The following AOAH variants were observed in gnomAD, a reference collection of about 807,000 sequenced individuals.
AOAH encodes acyloxyacyl hydrolase (neutrophil).
AOAH carries 64 observed loss-of-function variants against 92.2 expected under a neutral mutation model. The observed-to-expected ratio is 0.69, with a 90% CI of 0.57 to 0.86. AOAH has a LOEUF of 0.86. AOAH is among the 40% of genes least tolerant of loss of function. The pLI is 0.00. For synonymous variants in AOAH, 263 were observed against 254.5 expected, an observed-to-expected ratio of 1.03 and a Z score of -0.32; for missense variants, 656 against 694.6, an observed-to-expected ratio of 0.94 and a Z score of 0.62.
chr7:36,630,277 T>C (rs979846647), intron 6 of AOAH, among the ~76,000 whole-genome samples: 1 of 152,258 alleles, frequency 6.6e-6, no homozygotes, highest in Non-Finnish European at 1.5e-5. Flanking sequence ...TAGGAAGCTA[T>C]AGCTTCTCAG....
At chr7:36,559,006 C>T (rs1014157527) in intron 13 of AOAH, among the ~76,000 whole-genome samples, 6 of 152,256 alleles carry the variant, frequency 3.9e-5, no homozygotes, top group Non-Finnish European at 8.8e-5. Context: ...CTGTCTGGCA[C>T]TCCCTAGTGA....
In AOAH at chr7:36,612,898, C is replaced by T. The variant is rs531200109; in HGVS notation, c.846+3482G>A. Among the ~76,000 whole-genome samples, 3 of 152,202 alleles carry T rather than the reference C, an allele frequency of 2.0e-5. No individual in the cohort carries two copies. The South Asian group carries it at 6.2e-4, about 32-fold the overall frequency. On this transcript the variant is annotated intron_variant, in intron 11 of 20. Transcript: ENST00000617537. ...TTTTTCTTATTGCTACGTAGAAACTCTGTTAATTAGAGGATTTAAATCTTG... is the reference window on the plus strand; with the variant it reads ...TTTTTCTTATTGCTACGTAGAAACTTTGTTAATTAGAGGATTTAAATCTTG...
intron 7 of AOAH, among the ~76,000 whole-genome samples, 192 bp from the exon 8 acceptor site, chr7:36,621,972 T>C (rs1451317797): frequency 6.6e-6 from 1 of 152,160 alleles, no homozygotes; most frequent in Non-Finnish European, 1.5e-5. Context: ...ACATGTAATA[T>C]AACACTAGGG....
intron 13 of AOAH, among the ~76,000 whole-genome samples, chr7:36,558,257 C>T (rs1233610303): frequency 5.3e-5 from 8 of 152,210 alleles, no homozygotes; most frequent in Admixed American, 5.2e-4. Flanking sequence ...CCACTCCAGA[C>T]CCTGTTTGCC....
chr7:36,611,214 C>G (rs1372411430), intron 11 of AOAH, among the ~76,000 whole-genome samples: 6 of 152,104 alleles, frequency 3.9e-5, no homozygotes, highest in Non-Finnish European at 8.8e-5. Flanking sequence ...CCCCGGAACA[C>G]TAGAGGCTTA....
rs1221729818 is a variant in AOAH, at chr7:36,632,033, T to C, written c.521+3A>G. On this transcript the variant is annotated splice_donor_region_variant and intron_variant, in intron 6 of 20. Transcript: ENST00000617537. ...CTCAGGAAGGTAGAAATTGTATACA[T>C]ACAATTTAATTTTCTGGCAGATCTT... 6.2e-7 allele frequency: 1 copy of C among 1,608,400 alleles called. No individual in the cohort carries two copies. Among genetic ancestry groups the C allele is most frequent in the Non-Finnish European group, 8.5e-7 (1 of 1,176,420 alleles).
chr7:36,565,676 G>A (rs779978509), intron 13 of AOAH, among the ~76,000 whole-genome samples: 2 of 151,868 alleles, frequency 1.3e-5, no homozygotes, highest in African/African-American at 2.4e-5. Context: ...GGGACTATAG[G>A]TGTGTGCCAC....
intron 4 of AOAH, among the ~76,000 whole-genome samples, chr7:36,644,114 T>C (rs1794085504): frequency 6.6e-6 from 1 of 152,206 alleles, no homozygotes; most frequent in African/African-American, 2.4e-5. Context: ...AGATTGACAG[T>C]AAACACTGTA....
rs1337564217 is a variant in AOAH at position 36,684,102 on chromosome 7, A to G, written c.223+2597T>C. On this transcript the variant is annotated intron_variant, in intron 2 of 20. Coordinates refer to ENST00000617537, the MANE Select transcript of AOAH (RefSeq NM_001637.4). ...TCACTAAAAGAAACCAGGGCTTTTA[A>G]GAGAAATGACTGATTTCAAGCCTCA... is the stretch of plus-strand genomic sequence containing the variant. 5.9e-5 allele frequency among the ~76,000 whole-genome samples: 9 copies of G among 152,212 alleles called. 1 individual carries two copies. The highest frequency in any genetic ancestry group is 5.9e-4 in the Admixed American group (9 of 15,282).
intron 13 of AOAH, among the ~76,000 whole-genome samples, chr7:36,559,258 A>G (rs904294738): frequency 5.3e-5 from 8 of 152,360 alleles, no homozygotes; most frequent in South Asian, 2.1e-4. Flanking sequence ...TCTTTTGGGT[A>G]TATACCCAGT....
intron 12 of AOAH, among the ~76,000 whole-genome samples, chr7:36,585,193 C>T (rs1789230211): frequency 6.6e-6 from 1 of 151,382 alleles, no homozygotes; most frequent in Admixed American, 6.6e-5. Flanking sequence ...GGGGATGATC[C>T]CTGAGGGGTA....
chr7:36,565,117 T>C (rs1341142658), intron 13 of AOAH, among the ~76,000 whole-genome samples: 2 of 152,218 alleles, frequency 1.3e-5, no homozygotes, highest in Non-Finnish European at 2.9e-5. Context: ...CAGCAGGTTT[T>C]GATGCTCTAG....
At chr7:36,559,443 A>G (rs1403225440) in intron 13 of AOAH, among the ~76,000 whole-genome samples, 1 of 152,056 alleles carries the variant, frequency 6.6e-6, no homozygotes, top group African/African-American at 2.4e-5. Context: ...AGCCATTCTG[A>G]CTGGTGTGAG....
chr7:36,707,086 A>T (rs1211593400), intron 1 of AOAH, among the ~76,000 whole-genome samples: 4 of 110,618 alleles, frequency 3.6e-5, no homozygotes, highest in Non-Finnish European at 7.6e-5. Context: ...TGTTTGGCAT[A>T]TCTTGGCTTT....
chr7:36,687,818 C>G (rs1049418408), intron 1 of AOAH, among the ~76,000 whole-genome samples: 1 of 152,266 alleles, frequency 6.6e-6, no homozygotes, highest in South Asian at 2.1e-4. Flanking sequence ...AAATTCCCAG[C>G]AGGATTCCTT....
At chr7:36,668,338 A>G (rs533162282) in intron 3 of AOAH, among the ~76,000 whole-genome samples, 21 of 152,234 alleles carry the variant, frequency 1.4e-4, no homozygotes, top group Non-Finnish European at 2.9e-4. Flanking sequence ...GTCTAGCTCC[A>G]GCAATTTGTC....
At position 36,590,052 on chromosome 7, in the gene AOAH, A is replaced by G. The variant is rs1789635481; in HGVS notation, c.938+4287T>C. On this transcript the variant is annotated intron_variant, in intron 12 of 20. Coordinates refer to ENST00000617537, the MANE Select transcript of AOAH (RefSeq NM_001637.4). ...TCAGCAATCTCAAACTCCTGGGCTC[A>G]AGCAATCTTCCCGTCTCAGCCTCCT... 3.3e-5 allele frequency among the ~76,000 whole-genome samples: 5 copies of G among 152,100 alleles called. No homozygotes were observed. In the South Asian group the frequency reaches 1.0e-3, roughly 32 times the overall value.
chr7:36,588,218 A>G (rs2392454), intron 12 of AOAH, among the ~76,000 whole-genome samples: 36,209 of 152,214 alleles, frequency 0.24, 5,298 homozygotes, highest in African/African-American at 0.4. Flanking sequence ...TGGTGCCAGC[A>G]CTTGATTCAC....
intron 4 of AOAH, among the ~76,000 whole-genome samples, chr7:36,652,711 G>A (rs1364256886): frequency 1.3e-5 from 2 of 152,122 alleles, no homozygotes; most frequent in Non-Finnish European, 2.9e-5. Flanking sequence ...TAACACTGTC[G>A]AACCAAGATG....
Sources: allele counts gnomAD v4.1 joint callset (sites outside exome capture counted in the v4.1 genomes callset), GRCh38; gene constraint gnomAD v4.1.1; transcripts MANE v1.5; gene names NCBI Gene and HGNC (gene_info 2026-07-23, HGNC 2026-07-21).